Variants in BPTF observed in about 807,000 individuals in gnomAD.
The protein encoded by BPTF is nucleosome-remodeling factor subunit BPTF.
Under a neutral mutation model 292.5 loss-of-function variants are expected in BPTF, and 18 were observed. The observed-to-expected ratio is 0.06, with a 90% CI of 0.04 to 0.09. The LOEUF (loss-of-function observed/expected upper bound fraction) is 0.09, where lower values mean the gene tolerates loss of function less well. BPTF is among the 10% of genes least tolerant of loss of function. The probability of loss-of-function intolerance (pLI) is 1.00; values close to 1 mark genes in which losing one functional copy is unlikely to be tolerated. For missense variants in BPTF, 2,726 were observed against 3,498.7 expected (o/e 0.78, Z 5.57); for synonymous variants, 1,225 against 1,251.9 (o/e 0.98, Z 0.45).
chr17:67,856,010 T>G (rs2145058696), intron 2 of BPTF, among the ~76,000 whole-genome samples: 1 of 152,350 alleles, frequency 6.6e-6, no homozygotes, highest in East Asian at 1.9e-4. Flanking sequence ...GGTGGGCATT[T>G]TCAATCTGGC....
intron 4 of BPTF, among the ~76,000 whole-genome samples, chr17:67,878,354 A>C (rs890100271): frequency 2.6e-5 from 4 of 152,098 alleles, no homozygotes; most frequent in Non-Finnish European, 5.9e-5. Flanking sequence ...TATTATGAAT[A>C]TTTTACATGT....
chr17:67,976,944 C>T (rs2069554147), intron 27 of BPTF, among the ~76,000 whole-genome samples: 1 of 152,010 alleles, frequency 6.6e-6, no homozygotes, highest in South Asian at 2.1e-4. Flanking sequence ...AAAAGACTCA[C>T]CCCTACATAC....
Position 67,918,394 on chromosome 17 carries a change from G to A in BPTF, c.5304-320G>A, listed in dbSNP as rs368597009. ...TTCCTAACAGATATTTTGGAATTAG[G>A]TTAACTTTATAAAGTCTTCATGAAT... On this transcript the variant is annotated intron_variant, in intron 11 of 27. Transcript: ENST00000306378. Among the ~76,000 whole-genome samples the A allele has an allele frequency of 1.3e-3, 192 of 151,992 alleles. 5 individuals are homozygous for A. The South Asian group carries it at 0.038, about 30-fold the overall frequency.
At chr17:67,914,760 T>C (rs2062870088) in intron 11 of BPTF, among the ~76,000 whole-genome samples, 1 of 152,212 alleles carries the variant, frequency 6.6e-6, no homozygotes, top group Non-Finnish European at 1.5e-5. Flanking sequence ...GGCCCTGTTC[T>C]GCACAGCTGA....
At chr17:67,896,074 T>A (rs936490088) in intron 7 of BPTF, among the ~76,000 whole-genome samples, 1 of 151,720 alleles carries the variant, frequency 6.6e-6, no homozygotes, top group African/African-American at 2.4e-5. Context: ...GCCATTCTCC[T>A]GCCTCAGCCT....
intron 2 of BPTF, among the ~76,000 whole-genome samples, chr17:67,865,851 G>A (rs973189005): frequency 3.3e-5 from 5 of 152,142 alleles, no homozygotes; most frequent in Non-Finnish European, 5.9e-5. Flanking sequence ...TTTGGGCTTC[G>A]ATTGTCCAGA....
Position 67,893,428 on chromosome 17 carries a change from T to C in BPTF, c.2114T>C (p.Ile705Thr). 6.2e-7 allele frequency: 1 copy of C among 1,614,110 alleles called. No homozygotes were observed. Among genetic ancestry groups the C allele is most frequent in the Non-Finnish European group, 8.5e-7 (1 of 1,180,012 alleles). Reference protein sequence around the residue: ...ISRLSTKKEVIMKGNINNYFK... With the variant: ...ISRLSTKKEVTMKGNINNYFK... ...CGGTTGAGCACCAAAAAGGAAGTGA[T>C]CATGAAAGGAAATATCAACAATTAT... is the stretch of plus-strand genomic sequence containing the variant. The change falls in exon 6 of 28, where the codon ATC becomes ACC. Residue 705 changes from isoleucine to threonine, a missense_variant. This residue lies in a region of BPTF where 63 missense variants were observed against 84.1 expected (regional missense o/e 0.75). Coordinates refer to ENST00000306378, the MANE Select transcript of BPTF (RefSeq NM_182641.4).
At chr17:67,967,245 A>G (rs1433316353) in intron 26 of BPTF, among the ~76,000 whole-genome samples, 1 of 150,036 alleles carries the variant, frequency 6.7e-6, no homozygotes, top group Non-Finnish European at 1.5e-5. Context: ...AGGTTCAAGC[A>G]ATTCTCCTGC....
At chr17:67,898,050 G>A (rs1309645952) in intron 7 of BPTF, among the ~76,000 whole-genome samples, 1 of 152,212 alleles carries the variant, frequency 6.6e-6, no homozygotes, top group African/African-American at 2.4e-5. Context: ...AATACTAGGA[G>A]ATTACTAATA....
intron 5 of BPTF, among the ~76,000 whole-genome samples, chr17:67,892,597 G>A (rs1487635888): frequency 1.3e-5 from 2 of 152,064 alleles, no homozygotes; most frequent in Non-Finnish European, 2.9e-5. Context: ...TCCCATATTC[G>A]AGAATTATTT....
intron 26 of BPTF, among the ~76,000 whole-genome samples, chr17:67,971,827 C>CAAA (rs575119720): frequency 2.3e-4 from 19 of 83,354 alleles, no homozygotes; most frequent in South Asian, 3.9e-4. Context: ...GACTCCATCT[C>CAAA]AAAAAAAAAA....
chr17:67,953,014 G>A (rs1483249268), intron 23 of BPTF, among the ~76,000 whole-genome samples: 2 of 152,134 alleles, frequency 1.3e-5, no homozygotes, highest in African/African-American at 4.8e-5. Context: ...AGGCTGGAGT[G>A]CAGTGGCACG....
chr17:67,871,117 C>T (rs1338721632), intron 3 of BPTF, among the ~76,000 whole-genome samples: 1 of 152,136 alleles, frequency 6.6e-6, no homozygotes, highest in Admixed American at 6.6e-5. Context: ...TTTATCTACA[C>T]ACACACGTGT....
chr17:67,894,015 C>G lies in BPTF; in HGVS notation c.2412-19C>G, dbSNP rs377006267. 4 of 1,607,608 alleles carry G rather than the reference C, an allele frequency of 2.5e-6. No individual in the cohort carries two copies. Among genetic ancestry groups the G allele is most frequent in the Non-Finnish European group, 3.4e-6 (4 of 1,175,384 alleles). ...GTCAACCTAGTGAAATAATTTCTCT[C>G]ATTTCTTCTGAAATACAGGGCAAAT... On this transcript the variant is annotated intron_variant, in intron 6 of 27. Coordinates refer to ENST00000306378, the MANE Select transcript of BPTF (RefSeq NM_182641.4).
rs762904421 is a variant in BPTF at position 67,826,117 on chromosome 17, CGAGGAG to C, written c.402_407del (p.Glu137_Glu138del). On this transcript the variant is annotated inframe_deletion, in exon 1 of 28. Coordinates refer to ENST00000306378, the MANE Select transcript of BPTF (RefSeq NM_182641.4). ...AAGTGGTGTACGATGACCACGAGAG[CGAGGAG>C]GAGGAGGAAGAGGAGGACATGGTCT... is the stretch of plus-strand genomic sequence containing the variant. 30 of 1,398,356 alleles carry C rather than the reference CGAGGAG, an allele frequency of 2.1e-5. No individual in the cohort carries two copies. The highest frequency in any genetic ancestry group is 1.1e-4 in the African/African-American group (8 of 70,080). 86.6% of individuals were successfully genotyped at this position (1,398,356 alleles called of 1,614,324 possible).
intron 18 of BPTF, among the ~76,000 whole-genome samples, chr17:67,939,184 A>T (rs1469337374): frequency 3.3e-5 from 5 of 152,238 alleles, no homozygotes; most frequent in Non-Finnish European, 7.3e-5. Context: ...CAGGAATTTT[A>T]CCATGGCGTT....
At chr17:67,906,073 T>G (rs1326365963) in intron 9 of BPTF, among the ~76,000 whole-genome samples, 3 of 151,924 alleles carry the variant, frequency 2.0e-5, no homozygotes, top group South Asian at 4.2e-4. Context: ...AGGTTTTTTT[T>G]GGGGGGAGGG....
chr17:67,848,711 A>G (rs2058207309), intron 1 of BPTF, among the ~76,000 whole-genome samples: 1 of 152,216 alleles, frequency 6.6e-6, no homozygotes, highest in East Asian at 1.9e-4. Context: ...GAGAACATCC[A>G]TGTAGATCCC....
rs2065791607 is a variant in BPTF at position 67,946,074 on chromosome 17, A to G, written c.7366A>G (p.Ile2456Val). The change falls in exon 21 of 28, where the codon ATA becomes GTA. Residue 2456 changes from isoleucine (I) to valine (V), a missense_variant. Ile to Val is a conservative substitution (Grantham distance 29). This residue lies in a region of BPTF where 570 missense variants were observed against 633.5 expected (regional missense o/e 0.90). Transcript: ENST00000306378. ...SQIQSQVVAQ[I>V]QAQQSGVPQQ... ...GATCCAGTCACAGGTTGTGGCTCAG[A>G]TACAGGCTCAGCAAAGTGGTGTGCC... 2 of 1,614,094 alleles carry G rather than the reference A, an allele frequency of 1.2e-6. No individual in the cohort carries two copies. Among genetic ancestry groups the G allele is most frequent in the Non-Finnish European group, 1.7e-6 (2 of 1,180,040 alleles).
Sources: allele counts gnomAD v4.1 joint callset (sites outside exome capture counted in the v4.1 genomes callset), GRCh38; gene constraint gnomAD v4.1.1; regional missense constraint gnomAD v4.1.1; transcripts MANE v1.5; gene names NCBI Gene and HGNC (gene_info 2026-07-23, HGNC 2026-07-21).